Variants in TPRG1 observed in about 807,000 individuals in gnomAD.
TPRG1 encodes the protein tumor protein p63 regulated 1.
TPRG1 carries 29 observed loss-of-function variants against 29.3 expected under a neutral mutation model. The observed-to-expected ratio is 0.99, with a 90% confidence interval of 0.74 to 1.35. TPRG1 has a LOEUF of 1.35. Ranked by LOEUF, TPRG1 falls within the 40% of genes most tolerant of loss-of-function variation. TPRG1 has a pLI of 0.00. For missense variants in TPRG1, 327 were observed against 335.0 expected (o/e 0.98, Z 0.19); for synonymous variants, 130 against 116.8 (o/e 1.11, Z -0.73).
At chr3:189,111,459 C>A (rs1431325640) in intron 1 of TPRG1, among the ~76,000 whole-genome samples, 1 of 151,992 alleles carries the variant, frequency 6.6e-6, no homozygotes, top group Non-Finnish European at 1.5e-5. Flanking sequence ...CAGGATTTAG[C>A]CTCATCATAA....
At chr3:189,304,373 C>CT (rs1560677345) in intron 4 of TPRG1, among the ~76,000 whole-genome samples, 2 of 152,128 alleles carry the variant, frequency 1.3e-5, no homozygotes, top group South Asian at 4.1e-4. Context: ...GCCCCTGAAT[C>CT]TTTTTTTGAT....
At chr3:189,249,970 A>G (rs1364407587) in intron 4 of TPRG1, among the ~76,000 whole-genome samples, 1 of 152,210 alleles carries the variant, frequency 6.6e-6, no homozygotes, top group African/African-American at 2.4e-5. Flanking sequence ...CTAAAAGATG[A>G]AAAATTTGCA....
intron 4 of TPRG1, among the ~76,000 whole-genome samples, chr3:189,309,495 G>A (rs17423016): frequency 0.23 from 34,327 of 152,042 alleles, 5,056 homozygotes; most frequent in Non-Finnish European, 0.32. Flanking sequence ...CAAGCTTGTC[G>A]AATGCAGGGC....
upstream of TPRG1, among the ~76,000 whole-genome samples, chr3:189,098,523 T>G (rs1034986760): frequency 1.3e-5 from 2 of 152,096 alleles, no homozygotes; most frequent in African/African-American, 2.4e-5. Context: ...GTCCAGGGGA[T>G]GGGCTTCCAG....
At position 189,289,817 on chromosome 3, in the gene TPRG1, G is replaced by T. The variant is rs76071959; in HGVS notation, c.480-20569G>T. Among the ~76,000 whole-genome samples the T allele has an allele frequency of 8.4e-4, 128 of 152,124 alleles. 1 individual carries two copies. In the East Asian group the frequency reaches 0.023, roughly 27 times the overall value. Reference sequence around the variant, plus strand: ...TATCTTTGCTCAGATTTTTGCCCACGATGCTCTATTATCTACTTATGCTTT... The same window carrying T: ...TATCTTTGCTCAGATTTTTGCCCACTATGCTCTATTATCTACTTATGCTTT... On this transcript the variant is annotated intron_variant, in intron 4 of 5. Coordinates refer to ENST00000345063, the MANE Select transcript of TPRG1 (RefSeq NM_198485.4).
Position 189,062,216 on chromosome 3 carries a change from T to C in TPRG1, c.-463+38270T>C, listed in dbSNP as rs537173568. On this transcript the variant is annotated intron_variant, in intron 4 of 10. Transcript: ENST00000433971. ...AAGTCAAATACCACGTGTTCTCGCT[T>C]GTAAGTAGGAGCTAAATGACGAGGA... is the stretch of plus-strand genomic sequence containing the variant. 3.3e-5 allele frequency among the ~76,000 whole-genome samples: 5 copies of C among 152,196 alleles called. No individual in the cohort carries two copies. The East Asian group carries it at 9.7e-4, about 29-fold the overall frequency.
In TPRG1 at chr3:189,238,714, G is replaced by A. The variant is rs1020311930; in HGVS notation, c.303-19G>A. 4.4e-6 allele frequency: 7 copies of A among 1,573,580 alleles called. No individual in the cohort carries two copies. The South Asian group carries it at 8.1e-5, about 18-fold the overall frequency. On this transcript the variant is annotated intron_variant, in intron 3 of 5. Transcript: ENST00000345063. Reference sequence around the variant, plus strand: ...TAGGCTGTGTCATCAATTTTTATTTGCTATGATGATTCCTATAGGATAGAC... The same window carrying A: ...TAGGCTGTGTCATCAATTTTTATTTACTATGATGATTCCTATAGGATAGAC...
chr3:189,223,980 GAC>G (rs1158644137), intron 3 of TPRG1, among the ~76,000 whole-genome samples: 1 of 152,090 alleles, frequency 6.6e-6, no homozygotes, highest in Non-Finnish European at 1.5e-5. Flanking sequence ...GGATAAATAA[GAC>G]ACAGTTTCTC....
At chr3:189,041,244 G>A (rs1714614039) in intron 4 of TPRG1, among the ~76,000 whole-genome samples, 1 of 152,156 alleles carries the variant, frequency 6.6e-6, no homozygotes, top group Admixed American at 6.5e-5. Context: ...CATTTCATAA[G>A]CTGGATTCTC....
chr3:189,172,568 C>T (rs904926482), intron 1 of TPRG1, among the ~76,000 whole-genome samples: 1 of 152,140 alleles, frequency 6.6e-6, no homozygotes, highest in African/African-American at 2.4e-5. Context: ...ACCTTATCCC[C>T]AAAAGCCAAA....
intron 1 of TPRG1, among the ~76,000 whole-genome samples, chr3:189,175,820 C>A (rs1479783410): frequency 2.6e-5 from 4 of 152,198 alleles, no homozygotes; most frequent in African/African-American, 9.6e-5. Flanking sequence ...TCAAGAAAGT[C>A]TATTCCTCTG....
intron 1 of TPRG1, chr3:189,121,900 T>C (rs1425351906): frequency 1.3e-5 from 2 of 152,174 alleles, no homozygotes; most frequent in Non-Finnish European, 2.9e-5. Context: ...TGAAAAGATA[T>C]TTGGCCTTAT....
At chr3:189,077,392 A>T (rs1458376430) in intron 4 of TPRG1, among the ~76,000 whole-genome samples, 1 of 152,088 alleles carries the variant, frequency 6.6e-6, no homozygotes, top group South Asian at 2.1e-4. Flanking sequence ...TAACTAACTA[A>T]TAGTTAGGCA....
upstream of TPRG1, among the ~76,000 whole-genome samples, chr3:189,168,115 A>AGAAAACAAAACAGTTTAG (rs1728378039): frequency 6.6e-6 from 1 of 152,228 alleles, no homozygotes; most frequent in African/African-American, 2.4e-5. Context: ...AAATGAATGG[A>AGAAAACAAAACAGTTTAG]GAAAACAAAA....
At chr3:189,272,914 G>T (rs1715477427) in intron 4 of TPRG1, among the ~76,000 whole-genome samples, 1 of 152,124 alleles carries the variant, frequency 6.6e-6, no homozygotes, top group African/African-American at 2.4e-5. Context: ...TTCTGATGGG[G>T]TCTGGGGTCT....
chr3:189,028,132 G>A (rs1713754740), intron 4 of TPRG1, among the ~76,000 whole-genome samples: 1 of 152,162 alleles, frequency 6.6e-6, no homozygotes. Flanking sequence ...ATAACAGGAA[G>A]ATATAGCTAG....
chr3:189,174,314 G>T (rs1180043674), intron 1 of TPRG1, among the ~76,000 whole-genome samples: 1 of 152,162 alleles, frequency 6.6e-6, no homozygotes, highest in Admixed American at 6.5e-5. Flanking sequence ...AAAAAATCCA[G>T]ATATCTTGTT....
At chr3:189,221,032 A>G (rs1210285806) in intron 3 of TPRG1, among the ~76,000 whole-genome samples, 7 of 152,214 alleles carry the variant, frequency 4.6e-5, no homozygotes, top group South Asian at 2.1e-4. Context: ...CAAACTGTCA[A>G]TGACACACAA....
At chr3:189,312,002 T>C (rs2109320674) in intron 5 of TPRG1, among the ~76,000 whole-genome samples, 1 of 152,296 alleles carries the variant, frequency 6.6e-6, no homozygotes, top group Non-Finnish European at 1.5e-5. Context: ...TTCTTATTAA[T>C]AATAACACAT....
Sources: allele counts gnomAD v4.1 joint callset (sites outside exome capture counted in the v4.1 genomes callset), GRCh38; gene constraint gnomAD v4.1.1; transcripts MANE v1.5; gene names NCBI Gene and HGNC (gene_info 2026-07-23, HGNC 2026-07-21).